MAGI2: variants seen among roughly 807,000 people sequenced by gnomAD.
MAGI2 encodes the protein membrane-associated guanylate kinase, WW and PDZ domain-containing protein 2.
Under a neutral mutation model 133.3 loss-of-function variants are expected in MAGI2, and 35 were observed. That is an observed-to-expected ratio of 0.26 (90% CI 0.20 to 0.35). The LOEUF (loss-of-function observed/expected upper bound fraction) is 0.35, where lower values mean the gene tolerates loss of function less well. Ranked by LOEUF, MAGI2 falls within the 10% of genes least tolerant of loss-of-function variation. The probability of loss-of-function intolerance (pLI) is 1.00; values close to 1 mark genes in which losing one functional copy is unlikely to be tolerated. For missense variants in MAGI2, 1,636 were observed against 1,863.4 expected (o/e 0.88, Z 2.25); for synonymous variants, 729 against 710.6 (o/e 1.03, Z -0.41).
chr7:79,105,761 T>C (rs1253799968), intron 1 of MAGI2, among the ~76,000 whole-genome samples: 2 of 152,210 alleles, frequency 1.3e-5, no homozygotes, highest in Non-Finnish European at 2.9e-5. Context: ...TTCTCCATTG[T>C]AGTTGACTAT....
rs531143140 is a variant in MAGI2, at chr7:78,081,714, C to A, written c.3568-2629G>T. ...TTAGGTTTTATTTTAAAGGCAATGG[C>A]AAGGCACTAAAAAGTTAAGCATGGG... On this transcript the variant is annotated intron_variant, in intron 20 of 21. Coordinates refer to ENST00000354212, the MANE Select transcript of MAGI2 (RefSeq NM_012301.4). Among the ~76,000 whole-genome samples, 91 of 152,222 alleles carry A rather than the reference C, an allele frequency of 6.0e-4. 5 individuals are homozygous for A. In the South Asian group the frequency reaches 0.018, roughly 30 times the overall value.
intron 11 of MAGI2, among the ~76,000 whole-genome samples, chr7:78,196,631 A>G (rs1338034520): frequency 6.6e-6 from 1 of 152,060 alleles, no homozygotes; most frequent in Non-Finnish European, 1.5e-5. Flanking sequence ...TGTTTTTTAA[A>G]CTGTGCACAT....
intron 3 of MAGI2, among the ~76,000 whole-genome samples, chr7:78,545,907 T>C (rs960046765): frequency 6.6e-6 from 1 of 152,226 alleles, no homozygotes; most frequent in Non-Finnish European, 1.5e-5. Flanking sequence ...ACAAATCAAT[T>C]TGCCTGAAGT....
intron 1 of MAGI2, among the ~76,000 whole-genome samples, chr7:79,155,936 T>C (rs780041690): frequency 1.3e-5 from 2 of 152,162 alleles, no homozygotes; most frequent in Non-Finnish European, 2.9e-5. Context: ...AAGAACCTTT[T>C]GGCTAGAGTA....
At chr7:78,955,611 T>C (rs1802234268) in intron 2 of MAGI2, among the ~76,000 whole-genome samples, 1 of 151,258 alleles carries the variant, frequency 6.6e-6, no homozygotes, top group Non-Finnish European at 1.5e-5. Flanking sequence ...ATTGCTTCCC[T>C]CCCTCCCTTC....
At chr7:78,096,608 T>C (rs1021860421) in intron 20 of MAGI2, among the ~76,000 whole-genome samples, 4 of 152,194 alleles carry the variant, frequency 2.6e-5, no homozygotes, top group African/African-American at 9.6e-5. Context: ...CTGTGACCCA[T>C]AGGTCAAATC....
intron 2 of MAGI2, among the ~76,000 whole-genome samples, chr7:78,926,157 T>C (rs1207160788): frequency 6.6e-6 from 1 of 152,074 alleles, no homozygotes; most frequent in Non-Finnish European, 1.5e-5. Context: ...TCTCACTCCA[T>C]TAATCCTTTT....
chr7:78,246,575 T>TA (rs1791814591), intron 10 of MAGI2, among the ~76,000 whole-genome samples: 1 of 151,636 alleles, frequency 6.6e-6, no homozygotes, highest in South Asian at 2.1e-4. Flanking sequence ...CACTGGGGAG[T>TA]AAAGTCATCT....
chr7:79,023,158 C>T (rs1368192586), intron 1 of MAGI2, among the ~76,000 whole-genome samples: 2 of 143,496 alleles, frequency 1.4e-5, no homozygotes, highest in Non-Finnish European at 3.1e-5. Context: ...GGGCTTTATC[C>T]CTAGGATGCA....
chr7:78,154,096 T>C (rs1172737134), intron 16 of MAGI2, among the ~76,000 whole-genome samples: 1 of 152,260 alleles, frequency 6.6e-6, no homozygotes, highest in African/African-American at 2.4e-5. Context: ...TTCATTTTGA[T>C]TTCATCCCTT....
At chr7:78,308,257 G>T (rs1419925960) in intron 9 of MAGI2, among the ~76,000 whole-genome samples, 2 of 152,170 alleles carry the variant, frequency 1.3e-5, no homozygotes, top group Non-Finnish European at 2.9e-5. Context: ...GATTTAGGTA[G>T]GTGGTTCTCA....
chr7:78,855,700 T>C (rs972828296), intron 2 of MAGI2, among the ~76,000 whole-genome samples: 3 of 152,234 alleles, frequency 2.0e-5, no homozygotes, highest in African/African-American at 7.2e-5. Flanking sequence ...TTGTGAATAG[T>C]GCCGCAATAA....
intron 6 of MAGI2, among the ~76,000 whole-genome samples, chr7:78,467,244 T>G (rs1488428025): frequency 6.6e-6 from 1 of 152,096 alleles, no homozygotes; most frequent in Non-Finnish European, 1.5e-5. Flanking sequence ...TTAACTAACT[T>G]AATCCTCAAA....
intron 1 of MAGI2, among the ~76,000 whole-genome samples, chr7:79,031,347 A>AG (rs1810558969): frequency 6.6e-6 from 1 of 152,188 alleles, no homozygotes; most frequent in African/African-American, 2.4e-5. Flanking sequence ...CCTGACACTT[A>AG]GTAGTTAGTT....
chr7:78,723,356 C>T (rs1820443980), intron 2 of MAGI2, among the ~76,000 whole-genome samples: 1 of 152,122 alleles, frequency 6.6e-6, no homozygotes, highest in Non-Finnish European at 1.5e-5. Flanking sequence ...AAGGCCTGGG[C>T]CCTAACACAT....
At chr7:78,212,410 TAGAG>T (rs2150807020) in intron 10 of MAGI2, among the ~76,000 whole-genome samples, 1 of 152,144 alleles carries the variant, frequency 6.6e-6, no homozygotes, top group African/African-American at 2.4e-5. Flanking sequence ...TGGCTGCAGC[TAGAG>T]AGAGATGGCA....
chr7:78,557,097 A>AAAAAAAAAAAAAAAAGAAAGAAAG (rs1554473311), intron 3 of MAGI2, among the ~76,000 whole-genome samples: 1 of 138,960 alleles, frequency 7.2e-6, no homozygotes, highest in African/African-American at 3.0e-5. Flanking sequence ...AAAAAAAAAA[A>AAAAAAAAAAAAAAAAGAAAGAAAG]AAAGAAAAAG....
intron 2 of MAGI2, among the ~76,000 whole-genome samples, chr7:78,781,194 C>T (rs1257170942): frequency 2.0e-5 from 3 of 151,652 alleles, no homozygotes; most frequent in Non-Finnish European, 1.5e-5. Flanking sequence ...TTGACTAACA[C>T]GGTGAAACCC....
At chr7:79,318,398 TA>T (rs139139453) in intron 1 of MAGI2, among the ~76,000 whole-genome samples, 7,831 of 152,140 alleles carry the variant, frequency 0.051, 647 homozygotes, top group African/African-American at 0.18. Context: ...AGGAAAGCCA[TA>T]AAAAACACAA....
Sources: allele counts gnomAD v4.1 joint callset (sites outside exome capture counted in the v4.1 genomes callset), GRCh38; gene constraint gnomAD v4.1.1; transcripts MANE v1.5; gene names NCBI Gene and HGNC (gene_info 2026-07-23, HGNC 2026-07-21).